SLC10A7: variants seen among roughly 807,000 people sequenced by gnomAD.
The protein encoded by SLC10A7 is sodium/bile acid cotransporter 7.
Under a neutral mutation model 43.2 loss-of-function variants are expected in SLC10A7, and 29 were observed. The ratio of observed to expected loss-of-function variants is 0.67; its 90% CI spans 0.50 to 0.92. The LOEUF is 0.92. Ranked by LOEUF, SLC10A7 falls within the 40% of genes least tolerant of loss-of-function variation. The pLI is 0.00. For missense variants in SLC10A7, 295 were observed against 403.2 expected, an observed-to-expected ratio of 0.73 and a Z score of 2.30; for synonymous variants, 152 against 144.8, an observed-to-expected ratio of 1.05 and a Z score of -0.35.
intron 4 of SLC10A7, among the ~76,000 whole-genome samples, chr4:146,444,858 C>A (rs1198065344): frequency 6.6e-6 from 1 of 152,148 alleles, no homozygotes; most frequent in Non-Finnish European, 1.5e-5. Context: ...ACACTGAAAC[C>A]AAGGATCTTG....
At chr4:146,311,072 G>A (rs1731946546) in intron 6 of SLC10A7, among the ~76,000 whole-genome samples, 1 of 152,060 alleles carries the variant, frequency 6.6e-6, no homozygotes. Flanking sequence ...TAGTGCCAGG[G>A]TAGATGCATT....
At chr4:146,470,403 T>C (rs1560940127) in intron 4 of SLC10A7, among the ~76,000 whole-genome samples, 1 of 151,474 alleles carries the variant, frequency 6.6e-6, no homozygotes, top group African/African-American at 2.4e-5. Flanking sequence ...TGTACATATA[T>C]AAATATATAC....
At chr4:146,286,319 TGTGTTTG>T (rs1345326710) in intron 9 of SLC10A7, among the ~76,000 whole-genome samples, 3 of 151,008 alleles carry the variant, frequency 2.0e-5, no homozygotes, top group Admixed American at 6.6e-5. Flanking sequence ...TGAGAAGGAC[TGTGTTTG>T]GAGTGGTGAG....
At chr4:146,389,150 G>T (rs1237114828) in intron 5 of SLC10A7, among the ~76,000 whole-genome samples, 1 of 152,082 alleles carries the variant, frequency 6.6e-6, no homozygotes, top group Non-Finnish European at 1.5e-5. Flanking sequence ...AATGGACATG[G>T]GAGACTCCAA....
At chr4:146,433,163 C>CTTT (rs760409464) in intron 5 of SLC10A7, among the ~76,000 whole-genome samples, 2 of 138,476 alleles carry the variant, frequency 1.4e-5, no homozygotes, top group Admixed American at 7.4e-5. Context: ...TATTCTCTAG[C>CTTT]TTTTTTTTTT....
intron 4 of SLC10A7, among the ~76,000 whole-genome samples, chr4:146,454,747 T>C (rs1034768966): frequency 3.3e-5 from 5 of 151,850 alleles, no homozygotes; most frequent in African/African-American, 1.2e-4. Context: ...TTGAAGATAA[T>C]ACCAAAAGGA....
intron 4 of SLC10A7, among the ~76,000 whole-genome samples, chr4:146,443,376 G>T (rs990464706): frequency 6.6e-6 from 1 of 152,068 alleles, no homozygotes; most frequent in Admixed American, 6.6e-5. Context: ...AGCAAGAAAA[G>T]CTCCAATTTG....
intron 5 of SLC10A7, among the ~76,000 whole-genome samples, chr4:146,339,686 C>A (rs545087441): frequency 2.9e-4 from 43 of 150,460 alleles, no homozygotes; most frequent in Non-Finnish European, 4.9e-4. Flanking sequence ...AGGTTTCTCC[C>A]TAATAACATG....
chr4:146,396,135 A>G (rs1442900927), intron 5 of SLC10A7, among the ~76,000 whole-genome samples: 3 of 152,172 alleles, frequency 2.0e-5, no homozygotes. Flanking sequence ...TTGATAAGGT[A>G]ACTAGATTCT....
At chr4:146,340,754 A>G (rs1734209419) in intron 5 of SLC10A7, among the ~76,000 whole-genome samples, 1 of 151,930 alleles carries the variant, frequency 6.6e-6, no homozygotes, top group South Asian at 2.1e-4. Flanking sequence ...AATAAGAAAT[A>G]GCCAAGACTT....
intron 5 of SLC10A7, among the ~76,000 whole-genome samples, chr4:146,332,946 G>A (rs1483942915): frequency 6.6e-6 from 1 of 152,132 alleles, no homozygotes; most frequent in Non-Finnish European, 1.5e-5. Context: ...GTCACTCAGT[G>A]AGGCCTTACA....
intron 4 of SLC10A7, among the ~76,000 whole-genome samples, chr4:146,467,519 AC>A (rs1733142852): frequency 7.8e-6 from 1 of 127,632 alleles, no homozygotes; most frequent in Non-Finnish European, 1.7e-5. Flanking sequence ...ATACTTTTTT[AC>A]TCCTTAGCAT....
chr4:146,299,669 G>T (rs555828743), intron 7 of SLC10A7, among the ~76,000 whole-genome samples: 18 of 152,276 alleles, frequency 1.2e-4, no homozygotes, highest in Non-Finnish European at 1.9e-4. Context: ...GAGAGTGTTG[G>T]GGAGGTAAAA....
intron 10 of SLC10A7, among the ~76,000 whole-genome samples, chr4:146,261,464 C>G (rs1728218798): frequency 6.6e-6 from 1 of 152,192 alleles, no homozygotes. Context: ...TGTCTTGTTC[C>G]CTCACTGTTG....
intron 5 of SLC10A7, among the ~76,000 whole-genome samples, chr4:146,356,050 A>AT (rs1560829927): frequency 0.043 from 5,539 of 127,384 alleles, 132 homozygotes; most frequent in South Asian, 0.11. Context: ...AAAAAAAAAA[A>AT]AATATATATA....
intron 5 of SLC10A7, among the ~76,000 whole-genome samples, chr4:146,416,070 C>T (rs1471744979): frequency 6.6e-6 from 1 of 152,142 alleles, no homozygotes; most frequent in Non-Finnish European, 1.5e-5. Flanking sequence ...TGTTCAGAAC[C>T]TAGTCTAGTG....
At chr4:146,320,881 G>T (rs887204583) in intron 6 of SLC10A7, among the ~76,000 whole-genome samples, 15 of 152,096 alleles carry the variant, frequency 9.9e-5, no homozygotes, top group African/African-American at 3.6e-4. Context: ...ATCTGGAATT[G>T]GCAATGAGGT....
intron 5 of SLC10A7, among the ~76,000 whole-genome samples, chr4:146,386,556 T>A (rs1164176765): frequency 1.3e-5 from 2 of 152,188 alleles, no homozygotes; most frequent in Non-Finnish European, 2.9e-5. Flanking sequence ...TGTATTCACA[T>A]ATTCTCTGTT....
At chr4:146,365,675 C>T (rs888614290) in intron 5 of SLC10A7, among the ~76,000 whole-genome samples, 1 of 152,152 alleles carries the variant, frequency 6.6e-6, no homozygotes. Flanking sequence ...ATTTACTGTT[C>T]CTCAATATTT....
Sources: allele counts gnomAD v4.1 joint callset (sites outside exome capture counted in the v4.1 genomes callset), GRCh38; gene constraint gnomAD v4.1.1; transcripts MANE v1.5; gene names NCBI Gene and HGNC (gene_info 2026-07-23, HGNC 2026-07-21).